The following SGCD variants were observed in gnomAD, a reference collection of about 807,000 sequenced individuals.
SGCD encodes the protein delta-sarcoglycan.
In SGCD, 18 loss-of-function variants were observed where a neutral mutation model predicts 36.6. The observed-to-expected ratio is 0.49, with a 90% CI of 0.34 to 0.73. SGCD has a LOEUF of 0.73. Among genes scored for constraint, SGCD ranks in the 30% least tolerant of loss-of-function variants. The probability of loss-of-function intolerance (pLI) is 0.01; values close to 1 mark genes in which losing one functional copy is unlikely to be tolerated. For synonymous variants in SGCD, 133 were observed against 130.6 expected, an observed-to-expected ratio of 1.02 and a Z score of -0.12; for missense variants, 387 against 346.7, an observed-to-expected ratio of 1.12 and a Z score of -0.92.
chr5:156,237,307 A>C (rs1363952220), intron 3 of SGCD, among the ~76,000 whole-genome samples: 1 of 152,108 alleles, frequency 6.6e-6, no homozygotes, highest in Non-Finnish European at 1.5e-5. Context: ...CTGTAAACTA[A>C]AGTGGCCATA....
At chr5:156,347,032 C>T (rs1212020922) in intron 3 of SGCD, among the ~76,000 whole-genome samples, 2 of 152,032 alleles carry the variant, frequency 1.3e-5, no homozygotes, top group South Asian at 4.1e-4. Flanking sequence ...CTCCTGACCT[C>T]GTAATCCACC....
chr5:156,257,332 G>T lies in SGCD; in HGVS notation c.-43-72202G>T, dbSNP rs910144641. Among the ~76,000 whole-genome samples, 72 of 152,118 alleles carry T rather than the reference G, an allele frequency of 4.7e-4. 1 individual carries two copies. The highest frequency in any genetic ancestry group is 1.6e-3 in the African/African-American group (68 of 41,508). The stretch of plus-strand genomic sequence containing the variant: ...TACTAAAAATACAAAAAATTAGCTG[G>T]GCATGGTGGCGGGTGCCTGTAGTCC... On this transcript the variant is annotated intron_variant, in intron 3 of 9. Coordinates refer to the SGCD transcript ENST00000517913.
At chr5:156,656,933 G>A (rs1763707064) in intron 7 of SGCD, among the ~76,000 whole-genome samples, 1 of 152,100 alleles carries the variant, frequency 6.6e-6, no homozygotes, top group Non-Finnish European at 1.5e-5. Context: ...TAGAAACATA[G>A]TAAATCTGAA....
chr5:156,399,030 A>G (rs1450290281), intron 3 of SGCD, among the ~76,000 whole-genome samples: 1 of 152,190 alleles, frequency 6.6e-6, no homozygotes, highest in African/African-American at 2.4e-5. Context: ...GTTCTATTGG[A>G]TTGCTATGCT....
At chr5:156,652,231 A>G (rs760952041) in intron 7 of SGCD, among the ~76,000 whole-genome samples, 17 of 152,096 alleles carry the variant, frequency 1.1e-4, no homozygotes, top group Non-Finnish European at 2.1e-4. Flanking sequence ...CTGTAATCCC[A>G]ATGTTTTGGG....
the SGCD span, among the ~76,000 whole-genome samples, chr5:155,834,710 C>T: frequency 2.0e-5 from 3 of 152,162 alleles, no homozygotes; most frequent in Non-Finnish European, 4.4e-5. Context: ...GAAAAAGTCA[C>T]CCAGCCTTTC....
At chr5:156,416,664 G>A (rs1773054071) in intron 3 of SGCD, among the ~76,000 whole-genome samples, 1 of 152,132 alleles carries the variant, frequency 6.6e-6, no homozygotes, top group Non-Finnish European at 1.5e-5. Flanking sequence ...AACTTGCTGT[G>A]TCACCTTGGA....
At chr5:156,525,141 G>T (rs1291608738) in intron 4 of SGCD, among the ~76,000 whole-genome samples, 2 of 151,922 alleles carry the variant, frequency 1.3e-5, no homozygotes, top group Non-Finnish European at 2.9e-5. Flanking sequence ...TTTTGAGGAC[G>T]CTCCATGCAG....
chr5:156,508,793 T>C (rs1756814948), intron 4 of SGCD, 91 bp downstream of exon 4: 2 of 732,176 alleles, frequency 2.7e-6, no homozygotes, highest in Non-Finnish European at 4.6e-6. Context: ...GTACAGAGAA[T>C]TGGGGTGGGG....
Position 156,085,164 on chromosome 5 carries a change from TTTG to T in SGCD, c.-281-32693_-281-32691del, listed in dbSNP as rs375003538. ...ATACTTGTCTGTAGCTTTCATTCTTTTTGTTGTTGTTGTTGTTGTTGTTCTGTC... is the reference window on the plus strand; with the variant it reads ...ATACTTGTCTGTAGCTTTCATTCTTTTTGTTGTTGTTGTTGTTGTTCTGTC... On this transcript the variant is annotated intron_variant, in intron 1 of 9. Coordinates refer to the SGCD transcript ENST00000517913. 2.8e-3 allele frequency among the ~76,000 whole-genome samples: 423 copies of T among 152,092 alleles called. 1 individual carries two copies. The highest frequency in any genetic ancestry group is 9.3e-3 in the African/African-American group (386 of 41,504).
chr5:155,789,627 T>C, the SGCD span, among the ~76,000 whole-genome samples: 1 of 152,278 alleles, frequency 6.6e-6, no homozygotes, highest in Admixed American at 6.5e-5. Context: ...TAGTTTGTTT[T>C]CTGAAATAGG....
At chr5:156,735,736 C>T (rs755472012) in intron 7 of SGCD, among the ~76,000 whole-genome samples, 1 of 152,126 alleles carries the variant, frequency 6.6e-6, no homozygotes, top group African/African-American at 2.4e-5. Flanking sequence ...CGCAGACCAT[C>T]GCTGCTTTGC....
chr5:156,613,399 C>T lies in SGCD; in HGVS notation c.502+18348C>T, dbSNP rs143819851. Reference sequence around the variant, plus strand: ...GACCAATGGATTTTGTTGACATAGTCAGGGCCAGAAAACACCTTTACAGGC... The same window carrying T: ...GACCAATGGATTTTGTTGACATAGTTAGGGCCAGAAAACACCTTTACAGGC... On this transcript the variant is annotated intron_variant, in intron 6 of 8. Coordinates refer to ENST00000337851, the MANE Select transcript of SGCD (RefSeq NM_000337.6). Among the ~76,000 whole-genome samples, 697 of 152,308 alleles carry T rather than the reference C, an allele frequency of 4.6e-3. 1 individual carries two copies. The highest frequency in any genetic ancestry group is 0.015 in the African/African-American group (642 of 41,556).
At chr5:156,463,036 A>T (rs1392745025) in intron 3 of SGCD, among the ~76,000 whole-genome samples, 2 of 152,082 alleles carry the variant, frequency 1.3e-5, no homozygotes, top group Non-Finnish European at 2.9e-5. Context: ...CTTCTTTCAA[A>T]CTCTTCCCTC....
intron 3 of SGCD, among the ~76,000 whole-genome samples, chr5:156,287,708 G>A (rs536167628): frequency 1.3e-5 from 2 of 150,354 alleles, no homozygotes; most frequent in Admixed American, 6.7e-5. Context: ...TATATTCATC[G>A]ATACACATAC....
intron 6 of SGCD, among the ~76,000 whole-genome samples, chr5:156,615,548 G>T (rs1020227265): frequency 6.6e-6 from 1 of 152,096 alleles, no homozygotes; most frequent in African/African-American, 2.4e-5. Context: ...CTACTGCAAC[G>T]TGGCAAATGA....
At chr5:155,780,396 G>T in the SGCD span, among the ~76,000 whole-genome samples, 3 of 152,160 alleles carry the variant, frequency 2.0e-5, no homozygotes, top group East Asian at 3.9e-4. Context: ...CATAGATGGT[G>T]TATTCTTTTT....
intron 1 of SGCD, among the ~76,000 whole-genome samples, chr5:156,087,320 G>A (rs1363790893): frequency 1.3e-5 from 2 of 152,108 alleles, no homozygotes; most frequent in African/African-American, 4.8e-5. Flanking sequence ...TGTAGGCAAA[G>A]GTGCCCCCTT....
intron 3 of SGCD, among the ~76,000 whole-genome samples, chr5:156,486,301 A>G (rs1220105348): frequency 6.6e-6 from 1 of 152,088 alleles, no homozygotes; most frequent in African/African-American, 2.4e-5. Flanking sequence ...CAGGCAATGC[A>G]GGGTACGCCA....
Sources: gnomAD v4.1 joint callset for allele counts (sites outside exome capture counted in the v4.1 genomes callset) on GRCh38, gnomAD v4.1.1 for gene constraint, MANE v1.5 for transcripts, NCBI Gene and HGNC (gene_info 2026-07-23, HGNC 2026-07-21) for gene names.